Variants in ACER2 observed in about 807,000 individuals in gnomAD.
The protein encoded by ACER2 is alkCDase 2.
In ACER2, 26 loss-of-function variants were observed where a neutral mutation model predicts 34.7. The ratio of observed to expected loss-of-function variants is 0.75; its 90% confidence interval spans 0.55 to 1.04. The LOEUF (loss-of-function observed/expected upper bound fraction) is 1.04, where lower values mean the gene tolerates loss of function less well. Ranked by LOEUF, ACER2 falls within the 50% of genes least tolerant of loss-of-function variation. The probability of loss-of-function intolerance (pLI) is 0.00; values close to 1 mark genes in which losing one functional copy is unlikely to be tolerated. For missense variants in ACER2, 352 were observed against 340.8 expected (o/e 1.03, Z -0.26); for synonymous variants, 138 against 132.1 (o/e 1.04, Z -0.31).
chr9:19,430,674 G>A (rs187324573), intron 3 of ACER2, among the ~76,000 whole-genome samples: 1 of 152,138 alleles, frequency 6.6e-6, no homozygotes, highest in East Asian at 1.9e-4. Flanking sequence ...AGCATGTTTT[G>A]CAGCTGGGTG....
chr9:19,420,836 G>T (rs954526301), intron 1 of ACER2, among the ~76,000 whole-genome samples: 1 of 152,098 alleles, frequency 6.6e-6, no homozygotes, highest in Admixed American at 6.6e-5. Context: ...TCACATGGTG[G>T]GAAGGGTGAA....
intron 3 of ACER2, among the ~76,000 whole-genome samples, chr9:19,426,649 T>C (rs1299027417): frequency 6.6e-6 from 1 of 152,212 alleles, no homozygotes; most frequent in Non-Finnish European, 1.5e-5. Flanking sequence ...ATGTATTCCT[T>C]ATAGAAAACC....
intron 1 of ACER2, among the ~76,000 whole-genome samples, chr9:19,421,294 A>G (rs1418657941): frequency 2.6e-5 from 4 of 152,222 alleles, no homozygotes; most frequent in Non-Finnish European, 5.9e-5. Context: ...GTTTTAACAT[A>G]TGAATTTTGT....
At chr9:19,447,765 G>A (rs1388378990) in intron 5 of ACER2, among the ~76,000 whole-genome samples, 1 of 152,024 alleles carries the variant, frequency 6.6e-6, no homozygotes, top group Non-Finnish European at 1.5e-5. Context: ...GTATATTTCT[G>A]CTTTGTTTTT....
At chr9:19,442,649 C>T (rs1307205271) in intron 4 of ACER2, among the ~76,000 whole-genome samples, 1 of 152,218 alleles carries the variant, frequency 6.6e-6, no homozygotes, top group African/African-American at 2.4e-5. Context: ...TGGTGTGTTC[C>T]TTAAGCCAAA....
chr9:19,427,961 CTTCCT>C (rs995810494), intron 3 of ACER2, among the ~76,000 whole-genome samples: 8 of 145,412 alleles, frequency 5.5e-5, no homozygotes, highest in African/African-American at 1.6e-4. Flanking sequence ...CCATCATGCC[CTTCCT>C]TTCCTTTCCT....
intron 3 of ACER2, among the ~76,000 whole-genome samples, chr9:19,430,324 G>T (rs1277988175): frequency 6.6e-6 from 1 of 152,216 alleles, no homozygotes; most frequent in African/African-American, 2.4e-5. Context: ...GAGAATACAG[G>T]AAGCAGTGAT....
At chr9:19,422,811 C>A (rs1404231901) in intron 1 of ACER2, among the ~76,000 whole-genome samples, 1 of 151,828 alleles carries the variant, frequency 6.6e-6, no homozygotes, top group Non-Finnish European at 1.5e-5. Context: ...ACGAGTGGAT[C>A]ACCTGAGGTC....
rs956682022 is a variant in ACER2, at chr9:19,424,361, T to C, written c.224-339T>C. ...AAATACTTGTGTCATTTCCATTTCC[T>C]CCCACAGGCAGCCTGGGAATTCTTA... On this transcript the variant is annotated intron_variant, in intron 2 of 5. Coordinates refer to ENST00000340967, the MANE Select transcript of ACER2 (RefSeq NM_001010887.3). 27 of 984,936 alleles carry C rather than the reference T, an allele frequency of 2.7e-5. No individual in the cohort carries two copies. In the African/African-American group the frequency reaches 4.7e-4, roughly 17 times the overall value. 61.0% of individuals were successfully genotyped at this position (984,936 alleles called of 1,614,324 possible). A position where few individuals can be genotyped will look rare whatever the true frequency, so the allele number is the denominator to read the frequency against.
chr9:19,433,809 C>T (rs1437881569), intron 3 of ACER2, among the ~76,000 whole-genome samples: 8 of 147,150 alleles, frequency 5.4e-5, no homozygotes, highest in Admixed American at 1.4e-4. Flanking sequence ...CCTTCCCGGA[C>T]GGGGCGGCTG....
intron 1 of ACER2, among the ~76,000 whole-genome samples, chr9:19,410,749 A>C (rs1830063941): frequency 6.6e-6 from 1 of 152,182 alleles, no homozygotes. Flanking sequence ...AAGACAGTGG[A>C]AGTGGCCATG....
At chr9:19,431,203 C>T (rs1006123193) in intron 3 of ACER2, among the ~76,000 whole-genome samples, 1 of 152,002 alleles carries the variant, frequency 6.6e-6, no homozygotes, top group African/African-American at 2.4e-5. Context: ...TTTATTAGTA[C>T]ATAATATGTA....
intron 1 of ACER2, among the ~76,000 whole-genome samples, chr9:19,416,390 A>C (rs1332582235): frequency 6.6e-6 from 1 of 152,178 alleles, no homozygotes; most frequent in Non-Finnish European, 1.5e-5. Flanking sequence ...GTTGGGGTTG[A>C]AAATCAGCTG....
intron 5 of ACER2, among the ~76,000 whole-genome samples, chr9:19,446,850 C>T (rs564340916): frequency 7.2e-5 from 11 of 152,070 alleles, no homozygotes; most frequent in East Asian, 1.9e-4. Context: ...AAGGAGGGGC[C>T]GCACTGGCCA....
At chr9:19,446,469 G>C (rs755932685) in intron 5 of ACER2, 51 bp downstream of exon 5, 1 of 1,611,468 alleles carries the variant, frequency 6.2e-7, no homozygotes, top group Non-Finnish European at 8.5e-7. Context: ...GTTTGCACTT[G>C]CTGTTGGGCT....
chr9:19,446,692 A>T, intron 5 of ACER2: 1 of 947,538 alleles, frequency 1.1e-6, no homozygotes, highest in Non-Finnish European at 1.3e-6. Flanking sequence ...TAAAGCCTAA[A>T]GGAGCTTGAG....
intron 5 of ACER2, 63 bp from the exon 6 acceptor site, chr9:19,450,387 C>G: frequency 2.7e-6 from 4 of 1,469,040 alleles, no homozygotes; most frequent in South Asian, 3.1e-5. Flanking sequence ...AAGGAGCAGG[C>G]TAAACTCAGG....
At chr9:19,427,156 T>C (rs79372012) in intron 3 of ACER2, among the ~76,000 whole-genome samples, 3,343 of 152,300 alleles carry the variant, frequency 0.022, 129 homozygotes, top group African/African-American at 0.076. Context: ...TAAACAATAG[T>C]GTTCATCTTT....
chr9:19,429,322 G>A (rs1426852549), intron 3 of ACER2, among the ~76,000 whole-genome samples: 3 of 152,008 alleles, frequency 2.0e-5, no homozygotes, highest in Non-Finnish European at 4.4e-5. Flanking sequence ...TAGGCTAATT[G>A]TATCTACTTT....
Sources: gnomAD v4.1 joint callset for allele counts (sites outside exome capture counted in the v4.1 genomes callset) on GRCh38, gnomAD v4.1.1 for gene constraint, MANE v1.5 for transcripts, NCBI Gene and HGNC (gene_info 2026-07-23, HGNC 2026-07-21) for gene names.